DHX16: variants seen among roughly 807,000 people sequenced by gnomAD.
DHX16 encodes DEAH-box helicase 16, also known as pre-mRNA-splicing factor ATP-dependent RNA helicase DHX16.
Under a neutral mutation model 131.2 loss-of-function variants are expected in DHX16, and 81 were observed. The observed-to-expected ratio is 0.62, with a 90% CI of 0.52 to 0.74. DHX16 has a LOEUF of 0.74. Ranked by LOEUF, DHX16 falls within the 30% of genes least tolerant of loss-of-function variation. DHX16 has a pLI of 0.00. For missense variants in DHX16, 980 were observed against 1,363.1 expected (o/e 0.72, Z 4.43); for synonymous variants, 440 against 520.2 (o/e 0.85, Z 2.10).
chr6:30,654,012 T>C (rs189904653), intron 19 of DHX16, among the ~76,000 whole-genome samples: 112 of 152,006 alleles, frequency 7.4e-4, no homozygotes, highest in African/African-American at 2.6e-3. Context: ...CCAGCTACAC[T>C]GGAGGCTGAG....
chr6:30,653,257 T>C lies in DHX16; in HGVS notation c.3111A>G (p.Arg1037=), dbSNP rs760210893. ...CGTCCTTCTCTTACCCTAGCTCTTCTCGTGTTTTGCCTATTTTTTTGGGCA... is the reference window on the plus strand; with the variant it reads ...CGTCCTTCTCTTACCCTAGCTCTTCCCGTGTTTTGCCTATTTTTTTGGGCA... The part of the protein sequence containing the change: ...KKMPKKIGKT[R]EELG The change falls in exon 20 of 20, where the codon CGA becomes CGG. Residue 1037 remains arginine, a synonymous_variant. Coordinates refer to ENST00000376442, the MANE Select transcript of DHX16 (RefSeq NM_003587.5). 1.2e-6 allele frequency: 2 copies of C among 1,612,892 alleles called. No homozygotes were observed. Among genetic ancestry groups the C allele is most frequent in the African/African-American group, 2.7e-5 (2 of 74,916 alleles).
chr6:30,671,757 G>A (rs968705313), intron 1 of DHX16, among the ~76,000 whole-genome samples: 2 of 151,806 alleles, frequency 1.3e-5, no homozygotes, highest in African/African-American at 4.8e-5. Context: ...TACAGACAGG[G>A]TTTCACTCTG....
intron 11 of DHX16, 21 bp from the exon 12 acceptor site, chr6:30,659,645 G>A: frequency 6.2e-7 from 1 of 1,613,916 alleles, no homozygotes; most frequent in Non-Finnish European, 8.5e-7. Context: ...GGTAGGGAGA[G>A]CAGCAGGGGT....
chr6:30,653,416 G>C (rs1205260603), intron 19 of DHX16, 46 bp from the exon 20 acceptor site: 5 of 1,551,790 alleles, frequency 3.2e-6, no homozygotes, highest in African/African-American at 2.8e-5. Flanking sequence ...TTCCAACATA[G>C]ATCTTTTGTT....
At chr6:30,655,066 G>C (rs1767844326) in intron 18 of DHX16, 109 bp downstream of exon 18, 2 of 1,488,400 alleles carry the variant, frequency 1.3e-6, no homozygotes, top group Non-Finnish European at 9.2e-7. Flanking sequence ...TCATACACAA[G>C]GGGAAGAGGG....
intron 7 of DHX16, among the ~76,000 whole-genome samples, chr6:30,663,261 G>A (rs1255201439): frequency 6.6e-6 from 1 of 152,170 alleles, no homozygotes; most frequent in African/African-American, 2.4e-5. Context: ...AGCTGGAAAA[G>A]AACAGATTAG....
At position 30,665,303 on chromosome 6, in the gene DHX16, CA is replaced by C; in HGVS notation, c.922-30del. 1.3e-6 allele frequency: 2 copies of C among 1,598,156 alleles called. No homozygotes were observed. The highest frequency in any genetic ancestry group is 1.3e-5 in the African/African-American group (1 of 74,962). ...CAGAGAGAGGGGATATGTGAAGACT[CA>C]AAAACAGGATGTCCTCTCTGCCCTC... On this transcript the variant is annotated intron_variant, in intron 5 of 19. Coordinates refer to ENST00000376442, the MANE Select transcript of DHX16 (RefSeq NM_003587.5). The surrounding 1 kb of genome is among the most constrained non-coding windows in gnomAD (Gnocchi z 4.8).
In DHX16 at chr6:30,656,107, GA is replaced by G. The variant is rs1278165173; in HGVS notation, c.2498+90del. On this transcript the variant is annotated intron_variant, in intron 16 of 19. Coordinates refer to ENST00000376442, the MANE Select transcript of DHX16 (RefSeq NM_003587.5). This position sits in a 1 kb window ranked among gnomAD's most constrained non-coding sequence, Gnocchi z 5.1. ...ATTATGTGTTAAGGGATAGTATGAT[GA>G]ACAGAAAAAGACAGACAAAGGGGAC... The G allele has an allele frequency of 1.6e-6, 2 of 1,261,446 alleles. No individual in the cohort carries two copies. The highest frequency in any genetic ancestry group is 2.9e-5 in the African/African-American group (2 of 67,894). 78.1% of individuals were successfully genotyped at this position (1,261,446 alleles called of 1,614,324 possible).
intron 7 of DHX16, among the ~76,000 whole-genome samples, 154 bp from the exon 8 acceptor site, chr6:30,663,175 G>A (rs902834076): frequency 6.6e-6 from 1 of 152,146 alleles, no homozygotes; most frequent in Non-Finnish European, 1.5e-5. Context: ...AAATAGATAG[G>A]ATGACAGACC....
chr6:30,672,677 G>A lies in DHX16; in HGVS notation c.165C>T (p.Leu55=), dbSNP rs750285951. The change falls in exon 1 of 20, where the codon CTC becomes CTT. Residue 55 remains leucine (L), a synonymous_variant. Coordinates refer to ENST00000376442, the MANE Select transcript of DHX16 (RefSeq NM_003587.5). ...GGGCGAAGTCCCGGGCCGGCCCACT[G>A]AGATCCAAGGTATCAGTGTCTCGTA... ...QRLRDTDTLD[L]SGPARDFALR... is the part of the protein sequence containing the mutation. The A allele has an allele frequency of 1.3e-5, 21 of 1,612,738 alleles. No homozygotes were observed. The highest frequency in any genetic ancestry group is 3.3e-5 in the Admixed American group (2 of 59,998).
chr6:30,669,959 G>A (rs1458770681), intron 4 of DHX16, among the ~76,000 whole-genome samples: 1 of 152,028 alleles, frequency 6.6e-6, no homozygotes, highest in Admixed American at 6.6e-5. Flanking sequence ...GCCACATAAG[G>A]GGTGCAGGAA....
intron 4 of DHX16, among the ~76,000 whole-genome samples, chr6:30,669,981 G>A (rs1241039182): frequency 1.3e-5 from 2 of 152,106 alleles, no homozygotes; most frequent in African/African-American, 4.8e-5. Context: ...TAGGTGGTGG[G>A]AAGGTATTTG....
At chr6:30,655,368 A>G in intron 17 of DHX16, 32 bp from the exon 18 acceptor site, 1 of 1,613,760 alleles carries the variant, frequency 6.2e-7, no homozygotes, top group African/African-American at 1.3e-5. Flanking sequence ...AAGGAGAGAT[A>G]ATTAAGTATA....
intron 4 of DHX16, among the ~76,000 whole-genome samples, chr6:30,667,114 A>G (rs1051648149): frequency 2.6e-5 from 4 of 152,214 alleles, no homozygotes; most frequent in African/African-American, 9.6e-5. Flanking sequence ...AAAATCTGTC[A>G]CCAGTGAAAT....
Position 30,670,533 on chromosome 6 carries a change from T to A in DHX16, c.610-67A>T. On this transcript the variant is annotated intron_variant, in intron 3 of 19. Coordinates refer to ENST00000376442, the MANE Select transcript of DHX16 (RefSeq NM_003587.5). The surrounding 1 kb of genome is among the most constrained non-coding windows in gnomAD (Gnocchi z 4.4). Reference sequence around the variant, plus strand: ...GCCCCCACACTGACAGCTGCTCCCCTCTAGAATCACAAGGATCATTCAGAT... The same window carrying A: ...GCCCCCACACTGACAGCTGCTCCCCACTAGAATCACAAGGATCATTCAGAT... 6.6e-7 allele frequency: 1 copy of A among 1,517,738 alleles called. No individual in the cohort carries two copies. The highest frequency in any genetic ancestry group is 9.0e-7 in the Non-Finnish European group (1 of 1,107,410). 94.0% of individuals were successfully genotyped at this position (1,517,738 alleles called of 1,614,324 possible). A position where few individuals can be genotyped will look rare whatever the true frequency, so the allele number is the denominator to read the frequency against.
At position 30,665,115 on chromosome 6, in the gene DHX16, C is replaced by T; in HGVS notation, c.1081G>A (p.Glu361Lys). The T allele has an allele frequency of 6.2e-7, 1 of 1,613,752 alleles. No individual in the cohort carries two copies. Reference sequence around the variant, plus strand: ...GTGGCCCGGACAAACTCAATGGTCTCCTCCTCCTCCAGCACCAGTTGATAC... The same window carrying T: ...GTGGCCCGGACAAACTCAATGGTCTTCTCCTCCTCCAGCACCAGTTGATAC... ...PKYQLVLEEE[E>K]TIEFVRATQL... Residue 361 changes from glutamate (E) to lysine (K), a missense_variant, in exon 6 of 20, where the codon GAG becomes AAG. Glu to Lys is a moderately conservative substitution (Grantham distance 56). Transcript: ENST00000376442. This position sits in a 1 kb window ranked among gnomAD's most constrained non-coding sequence, Gnocchi z 4.8.
At position 30,654,704 on chromosome 6, in the gene DHX16, A is replaced by C. The variant is rs1767795128; in HGVS notation, c.2997+2T>G. 1.9e-6 allele frequency: 3 copies of C among 1,610,702 alleles called. No individual in the cohort carries two copies. Among genetic ancestry groups the C allele is most frequent in the Non-Finnish European group, 2.5e-6 (3 of 1,178,736 alleles). On this transcript the variant is annotated splice_donor_variant, in intron 19 of 19. Transcript: ENST00000376442. LOFTEE classifies it high-confidence loss of function. The stretch of plus-strand genomic sequence containing the variant: ...TGCGTGGGCACAGGATGTTCTCCTC[A>C]CCTGTCTCATGAACTCTTTGGTGGT...
intron 19 of DHX16, among the ~76,000 whole-genome samples, 162 bp downstream of exon 19, chr6:30,654,544 C>T (rs565640474): frequency 2.6e-5 from 4 of 151,876 alleles, no homozygotes; most frequent in South Asian, 2.1e-4. Flanking sequence ...AGTGAGACTC[C>T]GTCTCAAAAA....
Position 30,665,282 on chromosome 6 carries a change from G to A in DHX16, c.922-8C>T, listed in dbSNP as rs1053495271. The A allele has an allele frequency of 1.9e-5, 31 of 1,601,226 alleles. No individual in the cohort carries two copies. The highest frequency in any genetic ancestry group is 2.6e-5 in the Non-Finnish European group (31 of 1,179,380). On this transcript the variant is annotated splice_polypyrimidine_tract_variant and splice_region_variant and intron_variant, in intron 5 of 19. Coordinates refer to ENST00000376442, the MANE Select transcript of DHX16 (RefSeq NM_003587.5). This position sits in a 1 kb window ranked among gnomAD's most constrained non-coding sequence, Gnocchi z 4.8. Reference sequence around the variant, plus strand: ...ATCCACAGCTCGGGCTGGCTACAGAGAGAGGGGATATGTGAAGACTCAAAA... The same window carrying A: ...ATCCACAGCTCGGGCTGGCTACAGAAAGAGGGGATATGTGAAGACTCAAAA...
Sources: gnomAD v4.1 joint callset for allele counts (sites outside exome capture counted in the v4.1 genomes callset) on GRCh38, gnomAD v4.1.1 for gene constraint, Gnocchi (gnomAD v3.1) non-coding constraint, MANE v1.5 for transcripts, NCBI Gene and HGNC (gene_info 2026-07-23, HGNC 2026-07-21) for gene names.